The following ITGA7 variants were observed in gnomAD, a reference collection of about 807,000 sequenced individuals.
ITGA7 encodes the protein integrin subunit alpha 7, also known as integrin alpha-7.
Under a neutral mutation model 131.6 loss-of-function variants are expected in ITGA7, and 84 were observed. The observed-to-expected ratio is 0.64, with a 90% confidence interval of 0.54 to 0.77. The LOEUF is 0.77. Ranked by LOEUF, ITGA7 falls within the 30% of genes least tolerant of loss-of-function variation. The probability of loss-of-function intolerance (pLI) is 0.00; values close to 1 mark genes in which losing one functional copy is unlikely to be tolerated. For missense variants in ITGA7, 1,399 were observed against 1,482.9 expected (o/e 0.94, Z 0.93); for synonymous variants, 548 against 600.7 (o/e 0.91, Z 1.28).
intron 4 of ITGA7, chr12:55,700,449 C>A: frequency 6.4e-7 from 1 of 1,559,888 alleles, no homozygotes; most frequent in Non-Finnish European, 8.6e-7. Context: ...ACCCCTCAGG[C>A]CGGACACTGA....
chr12:55,708,838 G>T (rs1280842205), upstream of ITGA7, among the ~76,000 whole-genome samples: 1 of 152,178 alleles, frequency 6.6e-6, no homozygotes, highest in Middle Eastern at 3.2e-3. Context: ...GCAGGACCTG[G>T]GTGGGGCTGA....
chr12:55,714,637 G>A (rs1422549191), upstream of ITGA7, among the ~76,000 whole-genome samples: 1 of 151,402 alleles, frequency 6.6e-6, no homozygotes, highest in African/African-American at 2.4e-5. Context: ...AGTCAGCTGA[G>A]ATCATGCCAC....
chr12:55,698,920 G>T lies in ITGA7; in HGVS notation c.791-3C>A. On this transcript the variant is annotated splice_region_variant and splice_polypyrimidine_tract_variant and intron_variant, in intron 5 of 24. Transcript: ENST00000257879. ...TTTCCCCGAGTCAATAGAGAAGCCT[G>T]GGGGAAGGGTGACTTACCCCTAAGT... 1.2e-6 allele frequency: 2 copies of T among 1,606,950 alleles called. No individual in the cohort carries two copies. The highest frequency in any genetic ancestry group is 1.1e-5 in the South Asian group (1 of 90,148).
chr12:55,700,434 G>C, intron 4 of ITGA7: 1 of 1,573,804 alleles, frequency 6.4e-7, no homozygotes, highest in Non-Finnish European at 8.6e-7. Flanking sequence ...CAGGGCGCAA[G>C]GAACACCCCT....
At chr12:55,700,784 G>A in intron 4 of ITGA7, 115 bp downstream of exon 4, 2 of 1,352,468 alleles carry the variant, frequency 1.5e-6, no homozygotes, top group Non-Finnish European at 2.1e-6. Flanking sequence ...GCAGTGCCCT[G>A]GGGCCATACA....
chr12:55,710,604 C>T (rs559697901), upstream of ITGA7, among the ~76,000 whole-genome samples: 6 of 151,914 alleles, frequency 3.9e-5, no homozygotes, highest in African/African-American at 1.2e-4. Flanking sequence ...TAGGGAGACC[C>T]CCATCTCTAC....
In ITGA7 at chr12:55,699,891, A is replaced by C; in HGVS notation, c.769T>G (p.Leu257Val). 6.2e-7 allele frequency: 1 copy of C among 1,611,058 alleles called. No homozygotes were observed. Among genetic ancestry groups the C allele is most frequent in the Non-Finnish European group, 8.5e-7 (1 of 1,178,898 alleles). ...AAACCTAAGTAGCTATTGAGGGCCA[A>C]GTCTCCGGCTGGTCCTGGGAGCCGG... ...ADRLPGPAGD[L>V]ALNSYLGFSI... The change falls in exon 5 of 25, where the codon TTG becomes GTG. Residue 257 changes from leucine (L) to valine (V), a missense_variant. Transcript: ENST00000257879.
In ITGA7 at chr12:55,694,328, A is replaced by G; in HGVS notation, c.2360T>C (p.Ile787Thr). ...ELEVELLLAT[I>T]SEQELHPVSA... is the part of the protein sequence containing the mutation. The stretch of plus-strand genomic sequence containing the variant: ...GACTGGATGCAGCTCCTGCTCACTG[A>G]TCCTGGTGAGTGGGCAGGGGCAAGT... Residue 787 changes from isoleucine to threonine, a missense_variant and splice_region_variant, in exon 18 of 25, where the codon ATC becomes ACC. Ile to Thr is a moderately conservative substitution (Grantham distance 89). Coordinates refer to ENST00000257879, the MANE Select transcript of ITGA7 (RefSeq NM_002206.3). The surrounding 1 kb of genome is among the most constrained non-coding windows in gnomAD (Gnocchi z 5.3). The G allele has an allele frequency of 6.2e-7, 1 of 1,613,818 alleles. No individual in the cohort carries two copies. The highest frequency in any genetic ancestry group is 8.5e-7 in the Non-Finnish European group (1 of 1,180,014).
upstream of ITGA7, among the ~76,000 whole-genome samples, chr12:55,711,521 C>T (rs1469256558): frequency 6.6e-6 from 1 of 151,486 alleles, no homozygotes; most frequent in Non-Finnish European, 1.5e-5. Context: ...CTAAGGATAC[C>T]ACTAACAAAG....
At chr12:55,702,363 G>A (rs1257745904) in intron 3 of ITGA7, among the ~76,000 whole-genome samples, 1 of 152,088 alleles carries the variant, frequency 6.6e-6, no homozygotes, top group African/African-American at 2.4e-5. Context: ...TGTGTTTTTA[G>A]TAGAGACGGG....
intron 5 of ITGA7, chr12:55,699,560 G>A (rs1873488610): frequency 2.2e-6 from 1 of 445,324 alleles, no homozygotes; most frequent in African/African-American, 2.0e-5. Flanking sequence ...CATCCCCTCA[G>A]GGAAAGTCCC....
chr12:55,699,041 C>T (rs1201179706), intron 5 of ITGA7, 124 bp from the exon 6 acceptor site: 1 of 845,820 alleles, frequency 1.2e-6, no homozygotes, highest in Admixed American at 2.1e-5. Context: ...CTCCCCTGCA[C>T]CCTGCCCCCT....
intron 24 of ITGA7, among the ~76,000 whole-genome samples, chr12:55,685,957 C>T (rs531002534): frequency 6.6e-6 from 1 of 152,298 alleles, no homozygotes; most frequent in South Asian, 2.1e-4. Context: ...AGCATGCATG[C>T]GACCTCCCCA....
At position 55,688,076 on chromosome 12, in the gene ITGA7, C is replaced by G; in HGVS notation, c.3078G>C (p.Leu1026Phe). The change falls in exon 24 of 25, where the codon TTG becomes TTC. Residue 1026 changes from leucine (L) to phenylalanine (F), a missense_variant. Transcript: ENST00000257879. ...CTTCTGCCACCACAGCCATGGGGTC[C>G]AAGTATACCATCACTGGGATCTGGG... ...ASTVIPVMVYLDPMAVVAEGV... is the reference protein window; with the variant it reads ...ASTVIPVMVYFDPMAVVAEGV... The G allele has an allele frequency of 6.2e-7, 1 of 1,614,106 alleles. No homozygotes were observed. The highest frequency in any genetic ancestry group is 8.5e-7 in the Non-Finnish European group (1 of 1,180,028).
chr12:55,694,149 G>T lies in ITGA7; in HGVS notation c.2433-26C>A. ...CTGGCGTGGAGAGGTCAGAACAGGG[G>T]TGAGAAGGTCTGGGGCCTGGCTCAA... is the stretch of plus-strand genomic sequence containing the variant. On this transcript the variant is annotated intron_variant, in intron 18 of 24. Transcript: ENST00000257879. This position sits in a 1 kb window ranked among gnomAD's most constrained non-coding sequence, Gnocchi z 5.3. 4 of 1,612,056 alleles carry T rather than the reference G, an allele frequency of 2.5e-6. No individual in the cohort carries two copies. The highest frequency in any genetic ancestry group is 3.4e-6 in the Non-Finnish European group (4 of 1,178,032).
chr12:55,700,755 C>A (rs1873813617), intron 4 of ITGA7, 144 bp downstream of exon 4: 1 of 1,053,680 alleles, frequency 9.5e-7, no homozygotes, highest in African/African-American at 1.6e-5. Context: ...TGCACTAGCT[C>A]AATGGGGTGG....
In ITGA7 at chr12:55,695,526, G is replaced by A; in HGVS notation, c.1999C>T (p.Pro667Ser). ...CCTGCTCTCTGCCCCCCTCACATGG[G>A]CAGAGGTTGGAATTCCGTGTCGCTG... ...RVSDTEFQPL[P>S]MDVDGTTALF... Residue 667 changes from proline (P) to serine (S), a missense_variant, in exon 14 of 25, where the codon CCC (proline) becomes TCC (serine). Coordinates refer to ENST00000257879, the MANE Select transcript of ITGA7 (RefSeq NM_002206.3). 1 of 1,605,510 alleles carries A rather than the reference G, an allele frequency of 6.2e-7. No individual in the cohort carries two copies. The highest frequency in any genetic ancestry group is 8.5e-7 in the Non-Finnish European group (1 of 1,172,408).
chr12:55,700,334 C>T (rs1873699037), intron 4 of ITGA7: 7 of 1,610,568 alleles, frequency 4.3e-6, no homozygotes, highest in African/African-American at 1.3e-5. Flanking sequence ...TCGTAGGGAC[C>T]GTCGTCCAGG....
chr12:55,712,368 C>T, upstream of ITGA7: 1 of 791,828 alleles, frequency 1.3e-6, no homozygotes, highest in Non-Finnish European at 2.2e-6. Flanking sequence ...TGAAGCCCAG[C>T]CAGATCTCCC....
Sources: allele counts gnomAD v4.1 joint callset (sites outside exome capture counted in the v4.1 genomes callset), GRCh38; gene constraint gnomAD v4.1.1; non-coding constraint Gnocchi (gnomAD v3.1); transcripts MANE v1.5; gene names NCBI Gene and HGNC (gene_info 2026-07-23, HGNC 2026-07-21).